WWOX: variants seen among roughly 807,000 people sequenced by gnomAD.
WWOX encodes WW domain-containing oxidoreductase.
A neutral mutation model predicts 46.2 loss-of-function variants in WWOX; 69 were observed. The observed-to-expected ratio is 1.49, with a 90% CI of 1.23 to 1.82. The LOEUF is 1.82. WWOX is among the 40% of genes most tolerant of loss of function. The pLI, the probability that WWOX is intolerant of heterozygous loss-of-function variation, is 0.00. For missense variants in WWOX, 919 were observed against 542.6 expected (o/e 1.69, Z -6.89); for synonymous variants, 359 against 202.6 (o/e 1.77, Z -6.56).
chr16:79,188,069 G>C lies in WWOX; in HGVS notation c.1057-23539G>C, dbSNP rs557020206. 2.0e-5 allele frequency among the ~76,000 whole-genome samples: 3 copies of C among 152,282 alleles called. No homozygotes were observed. The South Asian group carries it at 6.2e-4, about 32-fold the overall frequency. On this transcript the variant is annotated intron_variant, in intron 8 of 8. Transcript: ENST00000566780. ...GGGTAGTTATGCTCTTTTCTTCCCT[G>C]AGGTTGCTAATTGTGGGCAGTACAG...
intron 8 of WWOX, among the ~76,000 whole-genome samples, chr16:78,800,058 C>T (rs1483834343): frequency 1.3e-5 from 2 of 152,134 alleles, no homozygotes; most frequent in Admixed American, 6.5e-5. Context: ...TTTCATCAAG[C>T]ACATTGTTAT....
chr16:78,829,875 G>A (rs1404483710), intron 8 of WWOX, among the ~76,000 whole-genome samples: 1 of 152,076 alleles, frequency 6.6e-6, no homozygotes, highest in Non-Finnish European at 1.5e-5. Context: ...AAAAGCTGTT[G>A]AGCACCAGAG....
chr16:78,852,021 G>C (rs1297509504), intron 8 of WWOX, among the ~76,000 whole-genome samples: 1 of 152,000 alleles, frequency 6.6e-6, no homozygotes, highest in East Asian at 1.9e-4. Flanking sequence ...TATAATACTG[G>C]CCCCACAATC....
chr16:78,956,737 G>A (rs532176093), intron 8 of WWOX, among the ~76,000 whole-genome samples: 1 of 152,206 alleles, frequency 6.6e-6, no homozygotes, highest in East Asian at 1.9e-4. Context: ...TCAAAAGTGT[G>A]CCACAAACAA....
chr16:78,729,288 G>GC (rs1325458854), intron 8 of WWOX, among the ~76,000 whole-genome samples: 1 of 151,808 alleles, frequency 6.6e-6, no homozygotes, highest in Non-Finnish European at 1.5e-5. Context: ...GCTGTAGTGA[G>GC]CTATGATTGC....
intron 5 of WWOX, among the ~76,000 whole-genome samples, chr16:78,294,830 G>A (rs1271483719): frequency 3.3e-5 from 5 of 152,186 alleles, no homozygotes; most frequent in Non-Finnish European, 7.3e-5. Context: ...TTTGTTGATT[G>A]TGAATGAACA....
chr16:79,060,664 C>A (rs570015008), intron 8 of WWOX, among the ~76,000 whole-genome samples: 2 of 152,186 alleles, frequency 1.3e-5, no homozygotes, highest in African/African-American at 4.8e-5. Context: ...TTTTGTAAAC[C>A]CAATTACGAG....
At chr16:78,664,691 G>T (rs146633230) in intron 8 of WWOX, among the ~76,000 whole-genome samples, 1 of 152,208 alleles carries the variant, frequency 6.6e-6, no homozygotes, top group Non-Finnish European at 1.5e-5. Context: ...ACGGCCAGCA[G>T]AGTAGAAACT....
chr16:78,898,800 T>A (rs1383115223), intron 8 of WWOX: 1 of 152,146 alleles, frequency 6.6e-6, no homozygotes, highest in Admixed American at 6.5e-5. Flanking sequence ...TTCAGTGATA[T>A]TTGATGATTT....
intron 8 of WWOX, among the ~76,000 whole-genome samples, chr16:78,515,820 T>A (rs2043223167): frequency 6.6e-6 from 1 of 152,134 alleles, no homozygotes; most frequent in Admixed American, 6.6e-5. Context: ...GTCAGCACCT[T>A]CAGTTAAAAA....
At chr16:78,438,195 A>G (rs970579197) in intron 8 of WWOX, among the ~76,000 whole-genome samples, 3 of 152,198 alleles carry the variant, frequency 2.0e-5, no homozygotes, top group African/African-American at 4.8e-5. Flanking sequence ...AATTTCTGTT[A>G]GAATTAATAA....
At position 78,821,981 on chromosome 16, in the gene WWOX, A is replaced by G. The variant is rs573361129; in HGVS notation, c.1056+389229A>G. Among the ~76,000 whole-genome samples, 92 of 152,230 alleles carry G rather than the reference A, an allele frequency of 6.0e-4. 1 individual carries two copies. The highest frequency in any genetic ancestry group is 1.0e-3 in the Admixed American group (16 of 15,296). On this transcript the variant is annotated intron_variant, in intron 8 of 8. Transcript: ENST00000566780. ...AGCCTCGACCTACCAGGCTCAAGCG[A>G]TCCTTCTGCCTCAGTCTCCTGAGTA...
At chr16:78,660,522 T>C (rs558864804) in intron 8 of WWOX, among the ~76,000 whole-genome samples, 1 of 152,218 alleles carries the variant, frequency 6.6e-6, no homozygotes, top group Non-Finnish European at 1.5e-5. Context: ...TTTCAGAGAA[T>C]TCACAAAACA....
intron 8 of WWOX, among the ~76,000 whole-genome samples, chr16:78,575,306 T>A (rs755516078): frequency 4.0e-5 from 6 of 150,570 alleles, no homozygotes; most frequent in Admixed American, 2.0e-4. Context: ...AAGATTCAGA[T>A]CTCCCTAATA....
intron 8 of WWOX, among the ~76,000 whole-genome samples, chr16:78,594,186 T>C (rs1304685099): frequency 6.9e-6 from 1 of 145,044 alleles, no homozygotes; most frequent in East Asian, 1.9e-4. Context: ...TTGGAATCCT[T>C]AGGGCCTTTT....
intron 8 of WWOX, among the ~76,000 whole-genome samples, chr16:78,702,100 T>TTTTATATATATA (rs1491267639): frequency 1.5e-4 from 12 of 81,254 alleles, no homozygotes; most frequent in African/African-American, 7.5e-4. Context: ...ATCTATAAAG[T>TTTTATATATATA]TATATATATA....
At chr16:78,626,206 C>G (rs1205360919) in intron 8 of WWOX, among the ~76,000 whole-genome samples, 2 of 151,990 alleles carry the variant, frequency 1.3e-5, no homozygotes, top group Non-Finnish European at 2.9e-5. Context: ...TCTTGGCTCA[C>G]TGCAACCTCC....
intron 8 of WWOX, among the ~76,000 whole-genome samples, chr16:79,093,541 G>A (rs2049007122): frequency 6.6e-6 from 1 of 151,942 alleles, no homozygotes; most frequent in Non-Finnish European, 1.5e-5. Context: ...CAGTCACAGT[G>A]GCTCAGCCAC....
At chr16:78,640,890 G>T (rs961798738) in intron 8 of WWOX, among the ~76,000 whole-genome samples, 1 of 145,884 alleles carries the variant, frequency 6.9e-6, no homozygotes, top group African/African-American at 2.5e-5. Flanking sequence ...AGTGAGCCGA[G>T]ATCATGCCAC....
Sources: allele counts gnomAD v4.1 joint callset (sites outside exome capture counted in the v4.1 genomes callset), GRCh38; gene constraint gnomAD v4.1.1; transcripts MANE v1.5; gene names NCBI Gene and HGNC (gene_info 2026-07-23, HGNC 2026-07-21).